Variants in KCNB2 observed in about 807,000 individuals in gnomAD.
KCNB2 encodes potassium voltage-gated channel subfamily B member 2, also known as delayed rectifier potassium channel protein.
In KCNB2, 15 loss-of-function variants were observed where a neutral mutation model predicts 61.5. The observed-to-expected ratio is 0.24, with a 90% CI of 0.16 to 0.38. The LOEUF (loss-of-function observed/expected upper bound fraction) is 0.38, where lower values mean the gene tolerates loss of function less well. Among genes scored for constraint, KCNB2 ranks in the 10% least tolerant of loss-of-function variants. KCNB2 has a pLI of 1.00. For missense variants in KCNB2, 828 were observed against 1,125.2 expected (o/e 0.74, Z 3.78); for synonymous variants, 457 against 446.0 (o/e 1.02, Z -0.31).
chr8:72,885,823 T>C (rs1805797415), intron 2 of KCNB2, among the ~76,000 whole-genome samples: 1 of 152,158 alleles, frequency 6.6e-6, no homozygotes. Context: ...CATGTAGGGC[T>C]ATTTCTAAAT....
At chr8:72,659,819 T>C (rs1205647625) in intron 2 of KCNB2, among the ~76,000 whole-genome samples, 3 of 152,232 alleles carry the variant, frequency 2.0e-5, no homozygotes, top group South Asian at 4.1e-4. Flanking sequence ...TTAAGGCTTG[T>C]ACATTTTTTA....
intron 2 of KCNB2, among the ~76,000 whole-genome samples, chr8:72,680,702 G>A (rs1806736137): frequency 6.6e-6 from 1 of 152,154 alleles, no homozygotes; most frequent in Non-Finnish European, 1.5e-5. Flanking sequence ...GATGACTAAT[G>A]AGATAAAATA....
chr8:72,566,365 AC>A (rs935246040), intron 1 of KCNB2, among the ~76,000 whole-genome samples: 3 of 152,162 alleles, frequency 2.0e-5, no homozygotes, highest in Non-Finnish European at 4.4e-5. Context: ...TTTTAGGTGG[AC>A]AAAACCCGAG....
chr8:72,702,840 A>G (rs1807156252), intron 2 of KCNB2, among the ~76,000 whole-genome samples: 1 of 152,136 alleles, frequency 6.6e-6, no homozygotes, highest in Non-Finnish European at 1.5e-5. Context: ...CTGTGTCACC[A>G]GGTGTTAGGG....
chr8:72,625,715 G>A (rs1465981771), intron 2 of KCNB2, among the ~76,000 whole-genome samples: 1 of 152,166 alleles, frequency 6.6e-6, no homozygotes, highest in East Asian at 1.9e-4. Flanking sequence ...GCGGGCATGA[G>A]CCACTGCACC....
At chr8:72,604,739 GTT>G (rs1305651487) in intron 2 of KCNB2, among the ~76,000 whole-genome samples, 7 of 152,150 alleles carry the variant, frequency 4.6e-5, no homozygotes. Context: ...TCTGCAAAGT[GTT>G]TTTGTGGTTT....
chr8:72,882,943 G>A lies in KCNB2; in HGVS notation c.580-52992G>A, dbSNP rs530884650. ...TTCCATGTGCCCACAATCAGCTAAA[G>A]TTGTGGCCACTTCCCTCTTTATCTG... On this transcript the variant is annotated intron_variant, in intron 2 of 2. Transcript: ENST00000523207. Among the ~76,000 whole-genome samples the A allele has an allele frequency of 5.3e-5, 8 of 152,272 alleles. No individual in the cohort carries two copies. In the East Asian group the frequency reaches 1.4e-3, roughly 26 times the overall value.
At chr8:72,882,769 T>A (rs190549928) in intron 2 of KCNB2, among the ~76,000 whole-genome samples, 1 of 152,106 alleles carries the variant, frequency 6.6e-6, no homozygotes, top group Non-Finnish European at 1.5e-5. Context: ...TTGCTTCATG[T>A]TGCTCTTGTT....
In KCNB2 at chr8:72,936,462, T is replaced by C; in HGVS notation, c.1107T>C (p.Pro369=). ...DEDATKFTSI[P]ASFWWATITM... is the part of the protein sequence containing the mutation. ...ATGCTACCAAGTTCACCAGTATCCC[T>C]GCATCATTTTGGTGGGCCACCATCA... The change falls in exon 3 of 3, where the codon CCT becomes CCC. Residue 369 remains proline (P), a synonymous_variant. Transcript: ENST00000523207. The surrounding 1 kb of genome is among the most constrained non-coding windows in gnomAD (Gnocchi z 5.6). The C allele has an allele frequency of 6.2e-7, 1 of 1,614,226 alleles. No individual in the cohort carries two copies. The highest frequency in any genetic ancestry group is 8.5e-7 in the Non-Finnish European group (1 of 1,180,016).
intron 2 of KCNB2, among the ~76,000 whole-genome samples, chr8:72,633,589 A>G (rs922533740): frequency 6.6e-6 from 1 of 152,084 alleles, no homozygotes; most frequent in South Asian, 2.1e-4. Flanking sequence ...GTTTTCTCTT[A>G]GAAGACTCTG....
At chr8:72,625,761 G>A (rs1805780281) in intron 2 of KCNB2, among the ~76,000 whole-genome samples, 1 of 152,144 alleles carries the variant, frequency 6.6e-6, no homozygotes, top group Non-Finnish European at 1.5e-5. Context: ...GTCCAAAGGA[G>A]GAAAAATAAT....
chr8:72,622,029 T>C (rs531329345), intron 2 of KCNB2, among the ~76,000 whole-genome samples: 10 of 152,310 alleles, frequency 6.6e-5, no homozygotes, highest in Admixed American at 6.5e-4. Context: ...TTATCTATAA[T>C]CAATTTTTAA....
At chr8:72,813,738 A>G (rs1807479563) in intron 2 of KCNB2, among the ~76,000 whole-genome samples, 1 of 152,224 alleles carries the variant, frequency 6.6e-6, no homozygotes, top group African/African-American at 2.4e-5. Flanking sequence ...AAGCATTCCC[A>G]TAGAAACATC....
chr8:72,724,843 G>A (rs1807606776), intron 2 of KCNB2, among the ~76,000 whole-genome samples: 1 of 152,002 alleles, frequency 6.6e-6, no homozygotes, highest in African/African-American at 2.4e-5. Context: ...CACACAATAA[G>A]TAAATATATT....
At chr8:72,657,924 T>G (rs1365264660) in intron 2 of KCNB2, among the ~76,000 whole-genome samples, 1 of 152,174 alleles carries the variant, frequency 6.6e-6, no homozygotes, top group Non-Finnish European at 1.5e-5. Context: ...ATAAATGTTG[T>G]GTGTGTCCTG....
intron 2 of KCNB2, among the ~76,000 whole-genome samples, chr8:72,871,402 T>A (rs551248990): frequency 6.6e-6 from 1 of 152,288 alleles, no homozygotes; most frequent in South Asian, 2.1e-4. Flanking sequence ...GTGAAAAGCA[T>A]TATAAAGACA....
In KCNB2 at chr8:72,746,369, A is replaced by G. The variant is rs1170822475; in HGVS notation, c.579+178056A>G. Among the ~76,000 whole-genome samples, 3 of 152,274 alleles carry G rather than the reference A, an allele frequency of 2.0e-5. No homozygotes were observed. The East Asian group carries it at 5.8e-4, about 29-fold the overall frequency. The stretch of plus-strand genomic sequence containing the variant: ...CAACCCTAGCTTGTCCTTTTGTCCA[A>G]TTGAGAGTGGTCATAAATAGAACCT... On this transcript the variant is annotated intron_variant, in intron 2 of 2. Coordinates refer to ENST00000523207, the MANE Select transcript of KCNB2 (RefSeq NM_004770.3).
chr8:72,699,266 C>CT (rs1807072217), intron 2 of KCNB2, among the ~76,000 whole-genome samples: 1 of 151,326 alleles, frequency 6.6e-6, no homozygotes, highest in Non-Finnish European at 1.5e-5. Context: ...TGTTTCTTGA[C>CT]TTTTTTAATA....
chr8:72,741,452 A>C (rs908521497), intron 2 of KCNB2, among the ~76,000 whole-genome samples: 2 of 152,172 alleles, frequency 1.3e-5, no homozygotes, highest in Non-Finnish European at 2.9e-5. Flanking sequence ...TTGAAGGAAC[A>C]GGTAGTGTTT....
Sources: allele counts gnomAD v4.1 joint callset (sites outside exome capture counted in the v4.1 genomes callset), GRCh38; gene constraint gnomAD v4.1.1; non-coding constraint Gnocchi (gnomAD v3.1); transcripts MANE v1.5; gene names NCBI Gene and HGNC (gene_info 2026-07-23, HGNC 2026-07-21).